FBXL7: variants seen among roughly 807,000 people sequenced by gnomAD.
FBXL7 encodes F-box and leucine rich repeat protein 7, also known as F-box/LRR-repeat protein 7.
FBXL7 carries 12 observed loss-of-function variants against 38.3 expected under a neutral mutation model. The ratio of observed to expected loss-of-function variants is 0.31; its 90% CI spans 0.20 to 0.51. FBXL7 has a LOEUF of 0.51. Ranked by LOEUF, FBXL7 falls within the 20% of genes least tolerant of loss-of-function variation. FBXL7 has a pLI of 0.98. For synonymous variants in FBXL7, 297 were observed against 300.9 expected, an observed-to-expected ratio of 0.99 and a Z score of 0.13; for missense variants, 567 against 676.4, an observed-to-expected ratio of 0.84 and a Z score of 1.79.
At chr5:15,544,188 A>G (rs1737837095) in intron 1 of FBXL7, among the ~76,000 whole-genome samples, 1 of 152,178 alleles carries the variant, frequency 6.6e-6, no homozygotes. Flanking sequence ...CTGCTACTTC[A>G]ATAAAAGTTG....
chr5:15,529,917 A>G (rs1209602311), intron 1 of FBXL7, among the ~76,000 whole-genome samples: 1 of 152,172 alleles, frequency 6.6e-6, no homozygotes, highest in African/African-American at 2.4e-5. Flanking sequence ...TAGTTTGCCA[A>G]GTAAAATAGT....
At chr5:15,893,336 A>C (rs182482572) in intron 2 of FBXL7, among the ~76,000 whole-genome samples, 74 of 152,284 alleles carry the variant, frequency 4.9e-4, no homozygotes, top group African/African-American at 1.7e-3. Flanking sequence ...GGATGCTATG[A>C]AATTATGAAA....
At chr5:15,705,255 G>T (rs962222516) in intron 2 of FBXL7, among the ~76,000 whole-genome samples, 1 of 152,190 alleles carries the variant, frequency 6.6e-6, no homozygotes, top group Non-Finnish European at 1.5e-5. Context: ...GTTTTCAAGG[G>T]CAGGGATTTA....
At chr5:15,863,151 A>G (rs1193507569) in intron 2 of FBXL7, among the ~76,000 whole-genome samples, 1 of 152,158 alleles carries the variant, frequency 6.6e-6, no homozygotes, top group African/African-American at 2.4e-5. Flanking sequence ...GCAGACGTCC[A>G]CTCTAAATTA....
At chr5:15,877,012 A>C (rs1740238398) in intron 2 of FBXL7, among the ~76,000 whole-genome samples, 1 of 152,184 alleles carries the variant, frequency 6.6e-6, no homozygotes, top group Admixed American at 6.5e-5. Flanking sequence ...CATCACTGTG[A>C]ATTTGCTTTT....
intron 1 of FBXL7, among the ~76,000 whole-genome samples, chr5:15,518,322 G>C (rs1737002356): frequency 6.6e-6 from 1 of 152,090 alleles, no homozygotes. Flanking sequence ...CTTCATACTA[G>C]ACTCACCAGA....
chr5:15,512,435 T>C (rs1736824661), intron 1 of FBXL7, among the ~76,000 whole-genome samples: 1 of 152,224 alleles, frequency 6.6e-6, no homozygotes, highest in Non-Finnish European at 1.5e-5. Flanking sequence ...TATAGTTTTG[T>C]TAAATGAATA....
chr5:15,529,229 G>T (rs1388343783), intron 1 of FBXL7, among the ~76,000 whole-genome samples: 1 of 152,160 alleles, frequency 6.6e-6, no homozygotes, highest in East Asian at 1.9e-4. Context: ...GTTTATTCGT[G>T]TTGTCACGAA....
At chr5:15,804,224 T>G (rs2126744909) in intron 2 of FBXL7, among the ~76,000 whole-genome samples, 1 of 152,204 alleles carries the variant, frequency 6.6e-6, no homozygotes, top group South Asian at 2.1e-4. Flanking sequence ...TCCCAACACT[T>G]TGGGAGGCCC....
At chr5:15,778,021 G>C (rs1736901508) in intron 2 of FBXL7, among the ~76,000 whole-genome samples, 1 of 151,890 alleles carries the variant, frequency 6.6e-6, no homozygotes, top group African/African-American at 2.4e-5. Context: ...TATGTATTTT[G>C]GTTACCTATA....
At chr5:15,745,157 A>G (rs891326983) in intron 2 of FBXL7, among the ~76,000 whole-genome samples, 2 of 152,218 alleles carry the variant, frequency 1.3e-5, no homozygotes, top group Non-Finnish European at 2.9e-5. Flanking sequence ...ACTTTTTTCA[A>G]TTTAAACATT....
chr5:15,837,915 C>T (rs1473524696), intron 2 of FBXL7, among the ~76,000 whole-genome samples: 1 of 152,126 alleles, frequency 6.6e-6, no homozygotes, highest in African/African-American at 2.4e-5. Flanking sequence ...GAAACTTAAT[C>T]ACTCAGCACA....
At chr5:15,721,282 T>C (rs1744187935) in intron 2 of FBXL7, among the ~76,000 whole-genome samples, 1 of 152,150 alleles carries the variant, frequency 6.6e-6, no homozygotes. Context: ...AGCAAAATAA[T>C]CCCTTTCTAA....
intron 2 of FBXL7, among the ~76,000 whole-genome samples, chr5:15,755,802 A>G (rs1736282168): frequency 6.6e-6 from 1 of 152,226 alleles, no homozygotes; most frequent in African/African-American, 2.4e-5. Context: ...TTTATCAGCC[A>G]ATCAGAATGC....
intron 2 of FBXL7, among the ~76,000 whole-genome samples, chr5:15,761,828 A>T (rs1406497908): frequency 2.0e-5 from 3 of 152,198 alleles, no homozygotes; most frequent in Admixed American, 6.5e-5. Flanking sequence ...GTGAGCCACC[A>T]TGTCAGGCTG....
In FBXL7 at chr5:15,865,885, G is replaced by A. The variant is rs529051690; in HGVS notation, c.128-62005G>A. On this transcript the variant is annotated intron_variant, in intron 2 of 3. Transcript: ENST00000504595. ...AAAATTAAAAGTGCTTCAAAGGTCAGAGAAAACAATCCCCTAAATAACAGC... is the reference window on the plus strand; with the variant it reads ...AAAATTAAAAGTGCTTCAAAGGTCAAAGAAAACAATCCCCTAAATAACAGC... 2.0e-5 allele frequency among the ~76,000 whole-genome samples: 3 copies of A among 152,274 alleles called. No homozygotes were observed. In the South Asian group the frequency reaches 6.2e-4, roughly 32 times the overall value.
chr5:15,633,467 A>G (rs1272103808), intron 2 of FBXL7, among the ~76,000 whole-genome samples: 4 of 152,150 alleles, frequency 2.6e-5, no homozygotes, highest in Non-Finnish European at 4.4e-5. Context: ...AAAAATAACC[A>G]ATCTAAAAAA....
intron 3 of FBXL7, among the ~76,000 whole-genome samples, chr5:15,933,416 A>T (rs1252466809): frequency 6.6e-6 from 1 of 152,222 alleles, no homozygotes; most frequent in Non-Finnish European, 1.5e-5. Flanking sequence ...AGCAAAGGTT[A>T]TCATATGATC....
chr5:15,576,040 G>C (rs767891517), intron 1 of FBXL7, among the ~76,000 whole-genome samples: 3 of 141,916 alleles, frequency 2.1e-5, no homozygotes, highest in Non-Finnish European at 4.6e-5. Context: ...ATTAAATAAT[G>C]TCAAAAGTAA....
Sources: allele counts gnomAD v4.1 joint callset (sites outside exome capture counted in the v4.1 genomes callset), GRCh38; gene constraint gnomAD v4.1.1; transcripts MANE v1.5; gene names NCBI Gene and HGNC (gene_info 2026-07-23, HGNC 2026-07-21).